Variants in OLA1 observed in about 807,000 individuals in gnomAD.
The protein encoded by OLA1 is obg-like ATPase 1.
OLA1 carries 14 observed loss-of-function variants against 48.4 expected under a neutral mutation model. That is an observed-to-expected ratio of 0.29 (90% CI 0.19 to 0.45). The LOEUF (loss-of-function observed/expected upper bound fraction) is 0.45. Ranked by LOEUF, OLA1 falls within the 20% of genes least tolerant of loss-of-function variation. The pLI, the probability that OLA1 is intolerant of heterozygous loss-of-function variation, is 1.00. For synonymous variants in OLA1, 127 were observed against 150.4 expected, an observed-to-expected ratio of 0.84 and a Z score of 1.14; for missense variants, 325 against 467.1, an observed-to-expected ratio of 0.70 and a Z score of 2.80.
chr2:174,240,949 A>G (rs555971558), intron 2 of OLA1, among the ~76,000 whole-genome samples: 20 of 152,304 alleles, frequency 1.3e-4, no homozygotes, highest in African/African-American at 4.6e-4. Flanking sequence ...CACTCCTCCC[A>G]TCAAGAGGTA....
chr2:174,145,027 T>C (rs1686561305), intron 4 of OLA1, among the ~76,000 whole-genome samples: 1 of 139,894 alleles, frequency 7.1e-6, no homozygotes, highest in African/African-American at 2.7e-5. Context: ...GGTTTGCTGA[T>C]CATAGAATCT....
intron 4 of OLA1, among the ~76,000 whole-genome samples, chr2:174,205,099 C>A (rs555040530): frequency 6.6e-6 from 1 of 152,304 alleles, no homozygotes; most frequent in East Asian, 1.9e-4. Flanking sequence ...ATATAGTAAA[C>A]TTCCTTATTG....
At chr2:174,077,327 TACATACATAC>T (rs1684765648) in intron 10 of OLA1, among the ~76,000 whole-genome samples, 1 of 109,472 alleles carries the variant, frequency 9.1e-6, no homozygotes, top group Non-Finnish European at 2.4e-5. Context: ...TACATATACA[TACATACATAC>T]ATACATACAT....
At chr2:174,121,749 C>T (rs774243603) in intron 7 of OLA1, among the ~76,000 whole-genome samples, 4 of 152,144 alleles carry the variant, frequency 2.6e-5, no homozygotes, top group African/African-American at 4.8e-5. Flanking sequence ...CACAGACTGG[C>T]GTCTCCTAAG....
chr2:174,121,555 A>G (rs1685915528), intron 7 of OLA1, among the ~76,000 whole-genome samples: 1 of 145,182 alleles, frequency 6.9e-6, no homozygotes, highest in Admixed American at 6.8e-5. Context: ...ACCCCAAGCC[A>G]GATCATTAGT....
At chr2:174,183,865 TC>T (rs1343939090) in intron 4 of OLA1, among the ~76,000 whole-genome samples, 1 of 152,188 alleles carries the variant, frequency 6.6e-6, no homozygotes, top group African/African-American at 2.4e-5. Context: ...CCAGAAATGT[TC>T]AGGTCTCTAG....
rs138988624 is a variant in OLA1 at position 174,227,785 on chromosome 2, G to T, written c.245+1523C>A. Among the ~76,000 whole-genome samples, 696 of 152,246 alleles carry T rather than the reference G, an allele frequency of 4.6e-3. 12 individuals carry two copies. The highest frequency in any genetic ancestry group is 0.045 in the East Asian group (236 of 5,188). On this transcript the variant is annotated intron_variant, in intron 3 of 10. Coordinates refer to ENST00000284719, the MANE Select transcript of OLA1 (RefSeq NM_013341.5). ...TCCTTACAGTACAATAGTAACAAATGAAGGAGGAATGATAGAATTACAAAA... is the reference window on the plus strand; with the variant it reads ...TCCTTACAGTACAATAGTAACAAATTAAGGAGGAATGATAGAATTACAAAA...
intron 4 of OLA1, among the ~76,000 whole-genome samples, chr2:174,148,113 G>A (rs72625250): frequency 0.11 from 16,677 of 152,258 alleles, 2,173 homozygotes; most frequent in East Asian, 0.7. Context: ...TAGGCCGGGC[G>A]TGGTGGCTCA....
chr2:174,087,034 T>TC lies in OLA1; in HGVS notation c.729-4971_729-4970insG, dbSNP rs1189571327. On this transcript the variant is annotated intron_variant, in intron 7 of 10. Coordinates refer to ENST00000284719, the MANE Select transcript of OLA1 (RefSeq NM_013341.5). ...ATTGTATATTCTTTCTTTTTTTCTT[T>TC]TTTTTTTTTTTGAGACAAAGTCTCG... 4.0e-5 allele frequency among the ~76,000 whole-genome samples: 6 copies of TC among 150,776 alleles called. No individual in the cohort carries two copies. The South Asian group carries it at 6.3e-4, about 16-fold the overall frequency.
At position 174,074,932 on chromosome 2, in the gene OLA1, A is replaced by G. The variant is rs1684690464; in HGVS notation, c.*494T>C. On this transcript the variant is annotated 3_prime_UTR_variant, in exon 11 of 11. Coordinates refer to ENST00000284719, the MANE Select transcript of OLA1 (RefSeq NM_013341.5). Reference sequence around the variant, plus strand: ...ACACACGCCTTAAAATTCTGTAATCAGCAACCACCAGGTGCCGTATCGCAT... The same window carrying G: ...ACACACGCCTTAAAATTCTGTAATCGGCAACCACCAGGTGCCGTATCGCAT... The G allele has an allele frequency of 6.5e-6, 1 of 154,428 alleles. No homozygotes were observed. The highest frequency in any genetic ancestry group is 2.4e-5 in the African/African-American group (1 of 41,452). 9.6% of individuals were successfully genotyped at this position (154,428 alleles called of 1,614,324 possible).
At chr2:174,142,056 A>G in intron 4 of OLA1, 56 bp from the exon 5 acceptor site, 1 of 1,426,376 alleles carries the variant, frequency 7.0e-7, no homozygotes, top group Non-Finnish European at 9.8e-7. Context: ...CGTGTTCATT[A>G]TGATAGAGTG....
At chr2:174,163,685 T>G (rs1687065765) in intron 4 of OLA1, among the ~76,000 whole-genome samples, 1 of 119,806 alleles carries the variant, frequency 8.3e-6, no homozygotes, top group Admixed American at 9.9e-5. Context: ...AACGAGACCT[T>G]GTCTCAAAAA....
intron 4 of OLA1, among the ~76,000 whole-genome samples, chr2:174,184,022 G>T (rs1687602879): frequency 6.6e-6 from 1 of 152,178 alleles, no homozygotes; most frequent in East Asian, 1.9e-4. Context: ...AACTAAAGAA[G>T]GAAATTCCAG....
At chr2:174,154,060 G>C (rs748248900) in intron 4 of OLA1, among the ~76,000 whole-genome samples, 1 of 152,046 alleles carries the variant, frequency 6.6e-6, no homozygotes, top group African/African-American at 2.4e-5. Context: ...CAGTAGACAT[G>C]AGGTCTTGTT....
intron 4 of OLA1, among the ~76,000 whole-genome samples, chr2:174,169,493 G>C (rs1178428843): frequency 5.3e-5 from 8 of 152,102 alleles, no homozygotes; most frequent in Admixed American, 5.2e-4. Context: ...GGACAGAAGA[G>C]AGTGCAACAA....
chr2:174,095,565 T>C (rs985465471), intron 7 of OLA1, among the ~76,000 whole-genome samples: 1 of 152,090 alleles, frequency 6.6e-6, no homozygotes, highest in Non-Finnish European at 1.5e-5. Flanking sequence ...TTGTGGTTAA[T>C]TGATTTTTGA....
intron 4 of OLA1, among the ~76,000 whole-genome samples, chr2:174,194,190 T>G (rs1421801590): frequency 1.3e-5 from 2 of 152,106 alleles, no homozygotes; most frequent in East Asian, 3.9e-4. Flanking sequence ...CCACATCGCA[T>G]ACTTTTGGGG....
At chr2:174,129,245 T>G (rs1339706270) in intron 5 of OLA1, among the ~76,000 whole-genome samples, 1 of 151,886 alleles carries the variant, frequency 6.6e-6, no homozygotes, top group Non-Finnish European at 1.5e-5. Context: ...GATCACGAGG[T>G]CAGGAGATCG....
chr2:174,085,366 CA>C (rs762365443), intron 7 of OLA1, among the ~76,000 whole-genome samples: 1 of 152,172 alleles, frequency 6.6e-6, no homozygotes, highest in Non-Finnish European at 1.5e-5. Flanking sequence ...TCAGCGGCAG[CA>C]TTAGATTCTC....
Sources: allele counts gnomAD v4.1 joint callset (sites outside exome capture counted in the v4.1 genomes callset), GRCh38; gene constraint gnomAD v4.1.1; transcripts MANE v1.5; gene names NCBI Gene and HGNC (gene_info 2026-07-23, HGNC 2026-07-21).